Variants in MEIOC observed in about 807,000 individuals in gnomAD.
The protein encoded by MEIOC is meiosis-specific coiled-coil domain-containing protein MEIOC.
A neutral mutation model predicts 85.3 loss-of-function variants in MEIOC; 9 were observed. The observed-to-expected ratio is 0.11, with a 90% confidence interval of 0.06 to 0.18. The LOEUF is 0.18. MEIOC is among the 10% of genes least tolerant of loss of function. The pLI, the probability that MEIOC is intolerant of heterozygous loss-of-function variation, is 1.00. For missense variants in MEIOC, 898 were observed against 1,129.4 expected, an observed-to-expected ratio of 0.80 and a Z score of 2.94; for synonymous variants, 365 against 393.7, an observed-to-expected ratio of 0.93 and a Z score of 0.86.
chr17:44,674,731 T>C lies in MEIOC; in HGVS notation c.*535T>C, dbSNP rs1023524913. On this transcript the variant is annotated 3_prime_UTR_variant, in exon 8 of 8. Coordinates refer to ENST00000409122, the MANE Select transcript of MEIOC (RefSeq NM_001145080.3). ...AATATTCATGTACAAACTTAATATT[T>C]AAAATACTATACTACCATATTTATA... is the stretch of plus-strand genomic sequence containing the variant. 3.1e-6 allele frequency: 3 copies of C among 978,238 alleles called. No individual in the cohort carries two copies. The African/African-American group carries it at 5.3e-5, about 17-fold the overall frequency. 60.6% of individuals were successfully genotyped at this position (978,238 alleles called of 1,614,324 possible).
intron 1 of MEIOC, among the ~76,000 whole-genome samples, 196 bp from the exon 2 acceptor site, chr17:44,656,931 C>A (rs991519522): frequency 6.6e-6 from 1 of 151,882 alleles, no homozygotes; most frequent in Non-Finnish European, 1.5e-5. Flanking sequence ...AGGGGCGCCC[C>A]TCGGGGTCAG....
chr17:44,676,934 C>G (rs1972084341), downstream of MEIOC: 1 of 984,552 alleles, frequency 1.0e-6, no homozygotes, highest in South Asian at 4.7e-5. Flanking sequence ...AGCTGATCCT[C>G]TATTTTCTGT....
At chr17:44,660,528 C>T (rs189800587) in intron 2 of MEIOC, among the ~76,000 whole-genome samples, 48 of 152,160 alleles carry the variant, frequency 3.2e-4, no homozygotes, top group Non-Finnish European at 5.1e-4. Context: ...TGAGCCACTG[C>T]GCCCGGCCAG....
In MEIOC at chr17:44,667,205, G is replaced by A. The variant is rs1375540728; in HGVS notation, c.1294G>A (p.Ala432Thr). 9 of 1,613,838 alleles carry A rather than the reference G, an allele frequency of 5.6e-6. No homozygotes were observed. Among genetic ancestry groups the A allele is most frequent in the Admixed American group, 1.7e-5 (1 of 60,018 alleles). The change falls in exon 5 of 8, where the codon GCT becomes ACT. Residue 432 changes from alanine to threonine, a missense_variant. Coordinates refer to ENST00000409122, the MANE Select transcript of MEIOC (RefSeq NM_001145080.3). Reference sequence around the variant, plus strand: ...ACTAAAACCTCACACAGCTTGTCCCGCTAATGATTTTGCTAACGTCACAGA... The same window carrying A: ...ACTAAAACCTCACACAGCTTGTCCCACTAATGATTTTGCTAACGTCACAGA... Reference protein sequence around the residue: ...YGLKPHTACPANDFANVTEKQ... With the variant: ...YGLKPHTACPTNDFANVTEKQ...
intron 3 of MEIOC, chr17:44,665,090 T>C: frequency 2.0e-6 from 2 of 993,168 alleles, no homozygotes; most frequent in Non-Finnish European, 2.4e-6. Flanking sequence ...GACAGATTTA[T>C]ATCTTGGTCA....
intron 2 of MEIOC, among the ~76,000 whole-genome samples, chr17:44,659,495 A>G (rs1363380965): frequency 6.6e-6 from 1 of 152,258 alleles, no homozygotes; most frequent in Non-Finnish European, 1.5e-5. Flanking sequence ...AGGGATGCAG[A>G]TATTTCAAGT....
chr17:44,658,556 G>A (rs1030623587), intron 2 of MEIOC, among the ~76,000 whole-genome samples: 90 of 151,650 alleles, frequency 5.9e-4, no homozygotes, highest in African/African-American at 2.0e-3. Flanking sequence ...GCACTCTGGG[G>A]GGCTGAGGCG....
chr17:44,668,776 C>T (rs8079488), intron 5 of MEIOC, among the ~76,000 whole-genome samples: 13,260 of 152,200 alleles, frequency 0.087, 629 homozygotes, highest in East Asian at 0.14. Context: ...ATGAAAAATG[C>T]TTGACATTTT....
At position 44,668,203 on chromosome 17, in the gene MEIOC, A is replaced by G; in HGVS notation, c.2292A>G (p.Gln764=). The G allele has an allele frequency of 6.2e-7, 1 of 1,604,260 alleles. No individual in the cohort carries two copies. The highest frequency in any genetic ancestry group is 8.5e-7 in the Non-Finnish European group (1 of 1,176,964). Residue 764 remains glutamine (Q), a synonymous_variant, in exon 5 of 8, where the codon CAA becomes CAG. Transcript: ENST00000409122. Reference sequence around the variant, plus strand: ...TTCGTCTAGAAGAGTGCTGTGAACAATGGAGAGCATTAGAAAAAGAGAGAA... The same window carrying G: ...TTCGTCTAGAAGAGTGCTGTGAACAGTGGAGAGCATTAGAAAAAGAGAGAA... The part of the protein sequence containing the change: ...LHIRLEECCE[Q]WRALEKERKK...
chr17:44,667,883 A>C lies in MEIOC; in HGVS notation c.1972A>C (p.Asn658His), dbSNP rs751294861. The change falls in exon 5 of 8, where the codon AAT (asparagine) becomes CAT (histidine). Residue 658 changes from asparagine (N) to histidine (H), a missense_variant. Physicochemically the swap from Asn to His is moderately conservative, Grantham distance 68 (BLOSUM62 1). This residue lies in a region of MEIOC where 734 missense variants were observed against 860.1 expected (regional missense o/e 0.85). Coordinates refer to ENST00000409122, the MANE Select transcript of MEIOC (RefSeq NM_001145080.3). ...RTRGGDNSRV[N>H]RTQVSCFSNN... is the part of the protein sequence containing the mutation. ...GAGAGGTGGAGACAATAGCCGTGTG[A>C]ATCGCACACAAGTGTCATGCTTTTC... 1.9e-6 allele frequency: 3 copies of C among 1,613,992 alleles called. No individual in the cohort carries two copies. Among genetic ancestry groups the C allele is most frequent in the South Asian group, 1.1e-5 (1 of 91,076 alleles).
rs1971756163 is a variant in MEIOC at position 44,656,516 on chromosome 17, G to T, written c.-98G>T. 5.9e-6 allele frequency: 6 copies of T among 1,023,876 alleles called. No homozygotes were observed. Among genetic ancestry groups the T allele is most frequent in the Non-Finnish European group, 7.9e-6 (6 of 762,440 alleles). The allele number at this position is 1,023,876 out of a possible 1,614,324, so 63.4% of individuals were successfully genotyped here. A position where few individuals can be genotyped will look rare whatever the true frequency, so the allele number is the denominator to read the frequency against. ...GGCGGCGGAGGCGGCTGCGGAGACG[G>T]CGGGGTGCGGGCTGAGGGAGCCGGG... On this transcript the variant is annotated 5_prime_UTR_variant, in exon 1 of 8. Coordinates refer to ENST00000409122, the MANE Select transcript of MEIOC (RefSeq NM_001145080.3).
chr17:44,659,549 A>G (rs1166629701), intron 2 of MEIOC, among the ~76,000 whole-genome samples: 1 of 152,252 alleles, frequency 6.6e-6, no homozygotes, highest in African/African-American at 2.4e-5. Flanking sequence ...GTTTTAACCC[A>G]AGAATACAAA....
At chr17:44,668,267 A>G (rs367563139) in intron 5 of MEIOC, 34 bp downstream of exon 5, 48 of 1,534,786 alleles carry the variant, frequency 3.1e-5, no homozygotes, top group African/African-American at 4.2e-5. Flanking sequence ...GAATAACAGT[A>G]TGTTCCTTTT....
chr17:44,666,768 A>G lies in MEIOC; in HGVS notation c.857A>G (p.Asp286Gly). 6.2e-7 allele frequency: 1 copy of G among 1,613,622 alleles called. No individual in the cohort carries two copies. The highest frequency in any genetic ancestry group is 8.5e-7 in the Non-Finnish European group (1 of 1,179,806). Residue 286 changes from aspartate to glycine, a missense_variant, in exon 5 of 8, where the codon GAT becomes GGT. By Grantham distance (94) the Asp-to-Gly change is moderately conservative (BLOSUM62 -1). Coordinates refer to ENST00000409122, the MANE Select transcript of MEIOC (RefSeq NM_001145080.3). ...GATATCATGAAAGAATCAGGAGTTGATATCTACCATTATGGAAGAGACAGA... is the reference window on the plus strand; with the variant it reads ...GATATCATGAAAGAATCAGGAGTTGGTATCTACCATTATGGAAGAGACAGA... ...LSDIMKESGV[D>G]IYHYGRDRIC...
intron 2 of MEIOC, among the ~76,000 whole-genome samples, chr17:44,659,939 A>T (rs1971821458): frequency 6.6e-6 from 1 of 152,208 alleles, no homozygotes; most frequent in South Asian, 2.1e-4. Context: ...TCAACTTGAG[A>T]ATAGTCATAA....
downstream of MEIOC, among the ~76,000 whole-genome samples, chr17:44,676,683 G>A (rs1972079771): frequency 6.6e-6 from 1 of 152,134 alleles, no homozygotes; most frequent in Admixed American, 6.5e-5. Context: ...TTAGCTGGGT[G>A]TGGTGGCACT....
chr17:44,669,292 TACTC>T, intron 5 of MEIOC, 87 bp from the exon 6 acceptor site: 1 of 980,814 alleles, frequency 1.0e-6, no homozygotes, highest in Non-Finnish European at 1.5e-6. Context: ...AAAGTGGTAA[TACTC>T]TATTTATTAG....
At position 44,667,475 on chromosome 17, in the gene MEIOC, T is replaced by G. The variant is rs1362012404; in HGVS notation, c.1564T>G (p.Ser522Ala). The G allele has an allele frequency of 6.2e-7, 1 of 1,613,812 alleles. No homozygotes were observed. Residue 522 changes from serine (S) to alanine (A), a missense_variant, in exon 5 of 8, where the codon TCC (serine) becomes GCC (alanine). Physicochemically the swap from Ser to Ala is moderately conservative, Grantham distance 99 (BLOSUM62 1). Coordinates refer to ENST00000409122, the MANE Select transcript of MEIOC (RefSeq NM_001145080.3). ...NHSSDFPQLS[S>A]TNLTPNSNLF... ...TTCTTCAGATTTCCCCCAACTATCA[T>G]CCACAAACTTAACCCCAAATAGCAA...
chr17:44,675,632 G>A lies in MEIOC; in HGVS notation c.*1436G>A, dbSNP rs1972065636. 2 of 984,784 alleles carry A rather than the reference G, an allele frequency of 2.0e-6. No homozygotes were observed. Among genetic ancestry groups the A allele is most frequent in the Non-Finnish European group, 2.4e-6 (2 of 829,562 alleles). 61.0% of individuals were successfully genotyped at this position (984,784 alleles called of 1,614,324 possible). On this transcript the variant is annotated 3_prime_UTR_variant, in exon 8 of 8. Coordinates refer to ENST00000409122, the MANE Select transcript of MEIOC (RefSeq NM_001145080.3). ...ACATTTTGATCACTGATATGCCTTA[G>A]AACTACCCAAATGAATTACATTGAG...
Sources: allele counts gnomAD v4.1 joint callset (sites outside exome capture counted in the v4.1 genomes callset), GRCh38; gene constraint gnomAD v4.1.1; regional missense constraint gnomAD v4.1.1; transcripts MANE v1.5; gene names NCBI Gene and HGNC (gene_info 2026-07-23, HGNC 2026-07-21).